The following MAMDC2 variants were observed in gnomAD, a reference collection of about 807,000 sequenced individuals.
MAMDC2 encodes MAM domain-containing protein 2.
In MAMDC2, 57 loss-of-function variants were observed where a neutral mutation model predicts 89.8. The ratio of observed to expected loss-of-function variants is 0.63; its 90% CI spans 0.51 to 0.79. The LOEUF is 0.79. Among genes scored for constraint, MAMDC2 ranks in the 30% least tolerant of loss-of-function variants. MAMDC2 has a pLI of 0.00. For synonymous variants in MAMDC2, 313 were observed against 293.4 expected, an observed-to-expected ratio of 1.07 and a Z score of -0.68; for missense variants, 800 against 820.6, an observed-to-expected ratio of 0.97 and a Z score of 0.31.
chr9:70,225,959 T>C lies in MAMDC2; in HGVS notation c.1997-9T>C. The C allele has an allele frequency of 6.4e-7, 1 of 1,559,894 alleles. No individual in the cohort carries two copies. The highest frequency in any genetic ancestry group is 1.2e-5 in the South Asian group (1 of 84,466). On this transcript the variant is annotated splice_polypyrimidine_tract_variant and intron_variant, in intron 13 of 13. Coordinates refer to ENST00000377182, the MANE Select transcript of MAMDC2 (RefSeq NM_153267.5). The stretch of plus-strand genomic sequence containing the variant: ...AATACTGTTATTGTATATTTGTCTT[T>C]CCTGACAGAAATGGAAGATACAACT...
intron 4 of MAMDC2, among the ~76,000 whole-genome samples, chr9:70,110,234 C>T (rs1828471070): frequency 6.6e-6 from 1 of 152,208 alleles, no homozygotes; most frequent in South Asian, 2.1e-4. Flanking sequence ...ACTTAGATTT[C>T]ACTTGAGCAG....
At chr9:70,127,365 G>T (rs2030599858) in intron 6 of MAMDC2, among the ~76,000 whole-genome samples, 1 of 152,160 alleles carries the variant, frequency 6.6e-6, no homozygotes, top group Admixed American at 6.5e-5. Context: ...GACCCCTTAG[G>T]ACCTCTAGAA....
intron 11 of MAMDC2, among the ~76,000 whole-genome samples, chr9:70,197,868 T>G (rs1395169039): frequency 6.6e-6 from 1 of 152,088 alleles, no homozygotes; most frequent in African/African-American, 2.4e-5. Flanking sequence ...TGATGTATCC[T>G]TAGAAAGTCA....
At chr9:70,101,035 A>G (rs1192549164) in intron 2 of MAMDC2, among the ~76,000 whole-genome samples, 4 of 152,238 alleles carry the variant, frequency 2.6e-5, no homozygotes, top group Admixed American at 6.5e-5. Context: ...TGGTAGTCCC[A>G]TAACATAATA....
At chr9:70,052,041 G>A (rs574272818) in intron 2 of MAMDC2, among the ~76,000 whole-genome samples, 1 of 152,274 alleles carries the variant, frequency 6.6e-6, no homozygotes, top group African/African-American at 2.4e-5. Context: ...TACTCCAAGA[G>A]GTTCTGATTT....
intron 5 of MAMDC2, among the ~76,000 whole-genome samples, chr9:70,122,543 A>G (rs1282615601): frequency 6.6e-6 from 1 of 152,146 alleles, no homozygotes; most frequent in Non-Finnish European, 1.5e-5. Context: ...GGCTCTGAGG[A>G]GAAAGGAGCC....
At chr9:70,109,262 G>C (rs1381219664) in intron 3 of MAMDC2, 2 of 155,750 alleles carry the variant, frequency 1.3e-5, no homozygotes, top group East Asian at 3.8e-4. Context: ...ATGGAGCATG[G>C]GGGCTCTGAG....
intron 2 of MAMDC2, among the ~76,000 whole-genome samples, chr9:70,068,858 A>G (rs535111604): frequency 6.6e-6 from 1 of 152,244 alleles, no homozygotes; most frequent in Non-Finnish European, 1.5e-5. Flanking sequence ...TTATTAGGGG[A>G]CAGAGGACAG....
intron 9 of MAMDC2, among the ~76,000 whole-genome samples, chr9:70,167,524 T>C (rs565150876): frequency 2.6e-5 from 4 of 152,270 alleles, no homozygotes; most frequent in East Asian, 3.9e-4. Context: ...CTTTGTCTGT[T>C]TGAATTAGAT....
rs778304379 is a variant in MAMDC2, at chr9:70,126,388, C to A, written c.873C>A (p.Val291=). 1.9e-6 allele frequency: 3 copies of A among 1,613,794 alleles called. No homozygotes were observed. The highest frequency in any genetic ancestry group is 2.5e-6 in the Non-Finnish European group (3 of 1,179,972). ...ATGCTGCCTGGAACCTTGCGGAGGT[C>A]GAGTTCAGTGCTCCTTACCCCATGG... ...PGNAAWNLAE[V]EFSAPYPMEV... is the part of the protein sequence containing the mutation. Residue 291 remains valine (V), a synonymous_variant, in exon 6 of 14, where the codon GTC becomes GTA. Coordinates refer to ENST00000377182, the MANE Select transcript of MAMDC2 (RefSeq NM_153267.5).
At chr9:70,121,550 C>T (rs1000099758) in intron 5 of MAMDC2, among the ~76,000 whole-genome samples, 3 of 152,058 alleles carry the variant, frequency 2.0e-5, no homozygotes, top group Non-Finnish European at 4.4e-5. Flanking sequence ...TATGGGGGAA[C>T]CCATTTCCCC....
In MAMDC2 at chr9:70,084,471, G is replaced by T. The variant is rs1201467908; in HGVS notation, c.149-23740G>T. ...CTCAGAGCTGGTTCCACGTCATCATGCCATGGGCTCCATATAGTCACAATC... is the reference window on the plus strand; with the variant it reads ...CTCAGAGCTGGTTCCACGTCATCATTCCATGGGCTCCATATAGTCACAATC... On this transcript the variant is annotated intron_variant, in intron 2 of 13. Transcript: ENST00000377182. Among the ~76,000 whole-genome samples the T allele has an allele frequency of 2.0e-5, 3 of 152,036 alleles. No individual in the cohort carries two copies. The East Asian group carries it at 5.8e-4, about 29-fold the overall frequency.
At chr9:70,085,731 C>T (rs1827755722) in intron 2 of MAMDC2, 1 of 152,024 alleles carries the variant, frequency 6.6e-6, no homozygotes, top group Non-Finnish European at 1.5e-5. Flanking sequence ...ACCCTGCCCC[C>T]CATCTGGTTT....
intron 12 of MAMDC2, among the ~76,000 whole-genome samples, chr9:70,221,193 G>C (rs1245262695): frequency 1.3e-5 from 2 of 150,348 alleles, no homozygotes; most frequent in African/African-American, 4.9e-5. Flanking sequence ...GGAGGACGTA[G>C]AAAATGCAAG....
intron 11 of MAMDC2, among the ~76,000 whole-genome samples, chr9:70,171,832 TAAAAAAAATTGC>T (rs1299913215): frequency 1.3e-5 from 2 of 151,934 alleles, no homozygotes; most frequent in African/African-American, 2.4e-5. Flanking sequence ...GCTGATGAGC[TAAAAAAAATTGC>T]AAAAAAAATT....
At chr9:70,222,446 A>T (rs1396072372) in intron 12 of MAMDC2, among the ~76,000 whole-genome samples, 3 of 152,138 alleles carry the variant, frequency 2.0e-5, no homozygotes, top group Non-Finnish European at 2.9e-5. Flanking sequence ...TGGTATTTAG[A>T]GTGTGATAGT....
At chr9:70,074,974 G>A (rs1022710106) in intron 2 of MAMDC2, among the ~76,000 whole-genome samples, 12 of 152,168 alleles carry the variant, frequency 7.9e-5, no homozygotes, top group African/African-American at 2.9e-4. Flanking sequence ...GATGTGCCCA[G>A]CCAAAATCAG....
At chr9:70,047,292 C>G (rs974116612) in intron 2 of MAMDC2, among the ~76,000 whole-genome samples, 3 of 152,048 alleles carry the variant, frequency 2.0e-5, no homozygotes, top group African/African-American at 7.2e-5. Context: ...CCTATCATCC[C>G]GTCATCTAGG....
chr9:70,111,219 A>C (rs1018582675), intron 4 of MAMDC2, among the ~76,000 whole-genome samples: 1 of 152,194 alleles, frequency 6.6e-6, no homozygotes, highest in African/African-American at 2.4e-5. Flanking sequence ...TGGCATCCGT[A>C]AAATGGGAAT....
Sources: gnomAD v4.1 joint callset for allele counts (sites outside exome capture counted in the v4.1 genomes callset) on GRCh38, gnomAD v4.1.1 for gene constraint, MANE v1.5 for transcripts, NCBI Gene and HGNC (gene_info 2026-07-23, HGNC 2026-07-21) for gene names.